Variants in KCNK2 observed in about 807,000 individuals in gnomAD.
KCNK2 encodes the protein potassium two pore domain channel subfamily K member 2.
KCNK2 carries 21 observed loss-of-function variants against 40.5 expected under a neutral mutation model. The ratio of observed to expected loss-of-function variants is 0.52; its 90% CI spans 0.37 to 0.75. KCNK2 has a LOEUF of 0.75. Ranked by LOEUF, KCNK2 falls within the 30% of genes least tolerant of loss-of-function variation. The probability of loss-of-function intolerance (pLI) is 0.00; values close to 1 mark genes in which losing one functional copy is unlikely to be tolerated. For synonymous variants in KCNK2, 191 were observed against 202.2 expected (o/e 0.94, Z 0.47); for missense variants, 399 against 531.6 (o/e 0.75, Z 2.45).
intron 2 of KCNK2, among the ~76,000 whole-genome samples, chr1:215,117,035 T>C (rs1660976370): frequency 6.6e-6 from 1 of 152,194 alleles, no homozygotes; most frequent in Non-Finnish European, 1.5e-5. Context: ...ATCTAACATT[T>C]GTCAGTACTC....
intron 1 of KCNK2, among the ~76,000 whole-genome samples, chr1:215,066,697 G>A (rs1658560053): frequency 1.3e-5 from 2 of 152,116 alleles, no homozygotes; most frequent in East Asian, 1.9e-4. Flanking sequence ...TAGTCTGATA[G>A]TGTGAAAATG....
intron 1 of KCNK2, among the ~76,000 whole-genome samples, chr1:215,035,612 A>G (rs558657694): frequency 1.3e-4 from 20 of 152,126 alleles, no homozygotes; most frequent in South Asian, 1.2e-3. Context: ...CATTGTATAG[A>G]TATACCATAG....
At chr1:215,223,240 C>CAAAAAAAAAAA in intron 6 of KCNK2, among the ~76,000 whole-genome samples, 1 of 16,506 alleles carries the variant, frequency 6.1e-5, no homozygotes, top group Non-Finnish European at 1.5e-4. Context: ...AAGCTCTTTT[C>CAAAAAAAAAAA]TAAAAAAAAA....
chr1:215,092,791 C>G (rs879709519), intron 2 of KCNK2, among the ~76,000 whole-genome samples: 1 of 152,182 alleles, frequency 6.6e-6, no homozygotes, highest in Non-Finnish European at 1.5e-5. Flanking sequence ...ATCCATTGCA[C>G]TGTTACTAAC....
intron 1 of KCNK2, among the ~76,000 whole-genome samples, chr1:215,007,007 A>G (rs1314381387): frequency 9.1e-5 from 1 of 10,964 alleles, no homozygotes; most frequent in Non-Finnish European, 2.9e-4. Context: ...CTATATATAT[A>G]TATATATATA....
chr1:215,234,717 T>G, intron 6 of KCNK2, 111 bp from the exon 7 acceptor site: 1 of 999,468 alleles, frequency 1.0e-6, no homozygotes, highest in Non-Finnish European at 1.5e-6. Context: ...TGTAAAAGAC[T>G]ACTCCACTCT....
intron 1 of KCNK2, among the ~76,000 whole-genome samples, chr1:215,074,702 T>G (rs1215237515): frequency 1.3e-5 from 2 of 152,224 alleles, no homozygotes; most frequent in African/African-American, 4.8e-5. Context: ...CTTTGCCTAG[T>G]ATTGGCACAC....
At chr1:215,124,286 C>T (rs1243568192) in intron 2 of KCNK2, among the ~76,000 whole-genome samples, 1 of 152,072 alleles carries the variant, frequency 6.6e-6, no homozygotes, top group Non-Finnish European at 1.5e-5. Flanking sequence ...TTGCAACCTG[C>T]TATTTTTATG....
Position 215,235,864 on chromosome 1 carries a change from G to A in KCNK2, c.*719G>A, listed in dbSNP as rs1423618478. On this transcript the variant is annotated 3_prime_UTR_variant, in exon 7 of 7. Coordinates refer to ENST00000444842, the MANE Select transcript of KCNK2 (RefSeq NM_001017425.3). ...AGCGTTAAAGGCACTGCAGAGAAAT[G>A]AGGTGCAGAGGTGGCCCCTCTGAGT... The A allele has an allele frequency of 1.3e-5, 2 of 152,562 alleles. No homozygotes were observed. The highest frequency in any genetic ancestry group is 4.8e-5 in the African/African-American group (2 of 41,430). The allele number at this position is 152,562 out of a possible 1,614,324, so 9.5% of individuals were successfully genotyped here. A position where few individuals can be genotyped will look rare whatever the true frequency, so the allele number is the denominator to read the frequency against.
At chr1:215,065,191 A>T (rs1401129786) in intron 1 of KCNK2, among the ~76,000 whole-genome samples, 1 of 152,194 alleles carries the variant, frequency 6.6e-6, no homozygotes, top group African/African-American at 2.4e-5. Context: ...ATGGAACAAG[A>T]TTTTTAGGGG....
chr1:215,123,225 T>TA (rs35311919), intron 2 of KCNK2, among the ~76,000 whole-genome samples: 85,864 of 151,366 alleles, frequency 0.57, 26,282 homozygotes, highest in Non-Finnish European at 0.68. Context: ...AATATGGTAA[T>TA]AAAAAAAACC....
intron 5 of KCNK2, among the ~76,000 whole-genome samples, chr1:215,172,767 C>T (rs977434825): frequency 4.6e-5 from 7 of 152,004 alleles, no homozygotes; most frequent in Non-Finnish European, 8.8e-5. Flanking sequence ...AGTGATTCTC[C>T]TGTCTCAGCC....
chr1:215,220,556 A>T (rs1422037931), intron 6 of KCNK2, among the ~76,000 whole-genome samples: 2 of 152,052 alleles, frequency 1.3e-5, no homozygotes, highest in African/African-American at 4.8e-5. Flanking sequence ...CCCTCTCCCA[A>T]AGCAACTGCA....
At chr1:215,204,342 C>T (rs1182480932) in intron 6 of KCNK2, among the ~76,000 whole-genome samples, 4 of 150,588 alleles carry the variant, frequency 2.7e-5, no homozygotes, top group Non-Finnish European at 5.9e-5. Context: ...TCATGTATTT[C>T]ACAGAATGTC....
At chr1:215,175,664 T>G (rs759769393) in intron 5 of KCNK2, among the ~76,000 whole-genome samples, 3 of 152,066 alleles carry the variant, frequency 2.0e-5, no homozygotes, top group Non-Finnish European at 4.4e-5. Flanking sequence ...CTTCCCACTC[T>G]AGTGGTCCCC....
intron 1 of KCNK2, among the ~76,000 whole-genome samples, chr1:215,085,970 G>A (rs947379300): frequency 2.6e-5 from 4 of 152,154 alleles, no homozygotes; most frequent in African/African-American, 4.8e-5. Context: ...ACCATGAGCC[G>A]TCTTCCTGAG....
chr1:215,024,954 T>G (rs955802689), intron 1 of KCNK2, among the ~76,000 whole-genome samples: 2 of 67,136 alleles, frequency 3.0e-5, no homozygotes, highest in Non-Finnish European at 4.7e-5. Flanking sequence ...AGTTTTTTTT[T>G]TTTTTTTTTT....
chr1:215,103,756 T>C (rs1310896297), intron 2 of KCNK2, among the ~76,000 whole-genome samples: 2 of 152,094 alleles, frequency 1.3e-5, no homozygotes, highest in Admixed American at 6.6e-5. Context: ...TAAGTATTTT[T>C]TGACGGGACA....
At chr1:215,070,475 C>G (rs1427493060) in intron 1 of KCNK2, among the ~76,000 whole-genome samples, 3 of 149,934 alleles carry the variant, frequency 2.0e-5, no homozygotes, top group African/African-American at 7.4e-5. Context: ...ACTTATAGTT[C>G]CACATGGCTG....
Sources: allele counts gnomAD v4.1 joint callset (sites outside exome capture counted in the v4.1 genomes callset), GRCh38; gene constraint gnomAD v4.1.1; transcripts MANE v1.5; gene names NCBI Gene and HGNC (gene_info 2026-07-23, HGNC 2026-07-21).